MYO16: variants seen among roughly 807,000 people sequenced by gnomAD.
MYO16 encodes unconventional myosin-XVI.
A neutral mutation model predicts 205.3 loss-of-function variants in MYO16; 94 were observed. That is an observed-to-expected ratio of 0.46 (90% CI 0.39 to 0.54). The LOEUF (loss-of-function observed/expected upper bound fraction) is 0.54. Ranked by LOEUF, MYO16 falls within the 20% of genes least tolerant of loss-of-function variation. The probability of loss-of-function intolerance (pLI) is 0.00; values close to 1 mark genes in which losing one functional copy is unlikely to be tolerated. For missense variants in MYO16, 2,315 were observed against 2,387.5 expected (o/e 0.97, Z 0.63); for synonymous variants, 988 against 954.0 (o/e 1.04, Z -0.66).
chr13:108,853,906 AT>A (rs776858939), intron 10 of MYO16, among the ~76,000 whole-genome samples: 8 of 151,668 alleles, frequency 5.3e-5, no homozygotes, highest in South Asian at 2.1e-4. Context: ...CATAAAAAAA[AT>A]GTTCTGACCT....
chr13:109,007,314 T>G (rs534892171), intron 21 of MYO16, among the ~76,000 whole-genome samples: 39 of 150,780 alleles, frequency 2.6e-4, no homozygotes, highest in Non-Finnish European at 4.1e-4. Context: ...TGTGAACCCG[T>G]GAGGCGGAGC....
At chr13:109,072,781 T>C (rs1887966487) in intron 27 of MYO16, among the ~76,000 whole-genome samples, 1 of 152,166 alleles carries the variant, frequency 6.6e-6, no homozygotes, top group Admixed American at 6.5e-5. Context: ...ACAACAAATG[T>C]CAAAGACTAA....
the MYO16 span, among the ~76,000 whole-genome samples, chr13:108,537,469 TA>T: frequency 6.6e-6 from 1 of 152,136 alleles, no homozygotes; most frequent in Admixed American, 6.6e-5. Flanking sequence ...CATATGACTA[TA>T]GGTGTCTTTT....
intron 1 of MYO16, among the ~76,000 whole-genome samples, chr13:108,623,700 A>G (rs1481053224): frequency 6.6e-6 from 1 of 152,168 alleles, no homozygotes; most frequent in African/African-American, 2.4e-5. Flanking sequence ...GCTTTAGAGC[A>G]ATTCTAATTC....
At chr13:108,964,947 A>C in intron 20 of MYO16, 45 bp downstream of exon 20, 1 of 1,590,484 alleles carries the variant, frequency 6.3e-7, no homozygotes, top group Non-Finnish European at 8.6e-7. Flanking sequence ...TACTGTAATA[A>C]ATAACTTAAA....
chr13:109,146,190 C>T (rs182537115), intron 32 of MYO16, among the ~76,000 whole-genome samples: 38 of 152,182 alleles, frequency 2.5e-4, no homozygotes, highest in Middle Eastern at 3.4e-3. Context: ...ATCACATAAG[C>T]TAAATGGAAG....
chr13:108,660,371 G>C lies in MYO16; in HGVS notation c.29-5515G>C, dbSNP rs1421562074. Among the ~76,000 whole-genome samples, 5 of 152,250 alleles carry C rather than the reference G, an allele frequency of 3.3e-5. No homozygotes were observed. The East Asian group carries it at 9.6e-4, about 29-fold the overall frequency. ...GATGACCTGTCTAGTGCTGTCAATG[G>C]AGTATTGGAGTCCCCCACTATCATT... On this transcript the variant is annotated intron_variant, in intron 1 of 34. Coordinates refer to ENST00000457511, the MANE Select transcript of MYO16 (RefSeq NM_001198950.3).
chr13:109,094,234 A>G (rs891427809), intron 27 of MYO16, among the ~76,000 whole-genome samples: 7 of 152,144 alleles, frequency 4.6e-5, no homozygotes, highest in Non-Finnish European at 8.8e-5. Flanking sequence ...TTTTTTTAAG[A>G]GTTGGGGTTT....
chr13:108,752,910 C>T (rs1437059297), intron 4 of MYO16, among the ~76,000 whole-genome samples: 1 of 148,894 alleles, frequency 6.7e-6, no homozygotes, highest in East Asian at 2.0e-4. Context: ...CGTGATCCAC[C>T]TGCATATGGC....
chr13:109,079,879 C>CTTTTTTTTTT (rs35912610), intron 27 of MYO16, among the ~76,000 whole-genome samples: 2 of 138,422 alleles, frequency 1.4e-5, no homozygotes, highest in Non-Finnish European at 3.1e-5. Flanking sequence ...TTCTTTATTT[C>CTTTTTTTTTT]TTTTTTTTTT....
chr13:109,023,668 CA>C (rs1886221024), intron 23 of MYO16, among the ~76,000 whole-genome samples: 1 of 57,730 alleles, frequency 1.7e-5, no homozygotes, highest in Non-Finnish European at 3.5e-5. Context: ...TGTATATATG[CA>C]AATATATGTA....
At chr13:109,106,477 C>A (rs1473480330) in intron 28 of MYO16, among the ~76,000 whole-genome samples, 1 of 152,124 alleles carries the variant, frequency 6.6e-6, no homozygotes, top group Non-Finnish European at 1.5e-5. Flanking sequence ...GCTTGTTTTT[C>A]ATGTTATATC....
intron 33 of MYO16, among the ~76,000 whole-genome samples, chr13:109,177,616 C>T (rs1246823313): frequency 6.6e-6 from 1 of 152,128 alleles, no homozygotes; most frequent in Non-Finnish European, 1.5e-5. Context: ...CTCCCAGGTT[C>T]AAGCGATTCT....
intron 1 of MYO16, among the ~76,000 whole-genome samples, chr13:108,632,122 C>T (rs1191882017): frequency 2.0e-5 from 3 of 150,192 alleles, no homozygotes; most frequent in African/African-American, 7.3e-5. Flanking sequence ...TCATGGTATC[C>T]TAAGGGTTTA....
intron 22 of MYO16, among the ~76,000 whole-genome samples, chr13:109,018,549 C>T (rs921675197): frequency 1.3e-5 from 2 of 152,200 alleles, no homozygotes; most frequent in African/African-American, 4.8e-5. Context: ...TTTAAGTCTG[C>T]AGAAGTTTCT....
intron 33 of MYO16, among the ~76,000 whole-genome samples, chr13:109,174,994 C>T (rs1594159483): frequency 6.6e-6 from 1 of 151,976 alleles, no homozygotes; most frequent in East Asian, 1.9e-4. Flanking sequence ...TCGTGATCTG[C>T]CCGCCTCAGC....
At chr13:109,103,063 A>G (rs1468384544) in intron 28 of MYO16, among the ~76,000 whole-genome samples, 1 of 152,214 alleles carries the variant, frequency 6.6e-6, no homozygotes, top group Admixed American at 6.5e-5. Context: ...TTATACTACC[A>G]GACAAATAAT....
At chr13:108,899,433 AAAAGAAAG>A (rs547895425) in intron 15 of MYO16, among the ~76,000 whole-genome samples, 2 of 152,172 alleles carry the variant, frequency 1.3e-5, no homozygotes, top group Admixed American at 1.3e-4. Context: ...CAAAAAAAAA[AAAAGAAAG>A]AAAGAAAAGA....
chr13:108,608,519 C>A (rs549267252), intron 1 of MYO16, among the ~76,000 whole-genome samples: 5 of 152,140 alleles, frequency 3.3e-5, no homozygotes, highest in Non-Finnish European at 7.3e-5. Context: ...CTATTCCTGA[C>A]TTTCATGGTA....
Sources: gnomAD v4.1 joint callset for allele counts (sites outside exome capture counted in the v4.1 genomes callset) on GRCh38, gnomAD v4.1.1 for gene constraint, MANE v1.5 for transcripts, NCBI Gene and HGNC (gene_info 2026-07-23, HGNC 2026-07-21) for gene names.